MMS19: variants seen among roughly 807,000 people sequenced by gnomAD.
MMS19 encodes the protein MMS19 nucleotide excision repair protein homolog.
Under a neutral mutation model 129.8 loss-of-function variants are expected in MMS19, and 77 were observed. That is an observed-to-expected ratio of 0.59 (90% confidence interval 0.49 to 0.72). MMS19 has a LOEUF of 0.72. Among genes scored for constraint, MMS19 ranks in the 30% least tolerant of loss-of-function variants. MMS19 has a pLI of 0.00. For missense variants in MMS19, 1,168 were observed against 1,266.3 expected, an observed-to-expected ratio of 0.92 and a Z score of 1.18; for synonymous variants, 491 against 502.8, an observed-to-expected ratio of 0.98 and a Z score of 0.31.
rs2033962514 is a variant in MMS19, at chr10:97,468,344, G to C, written c.1126C>G (p.Gln376Glu). 4.3e-6 allele frequency: 7 copies of C among 1,613,004 alleles called. No homozygotes were observed. The highest frequency in any genetic ancestry group is 1.1e-5 in the South Asian group (1 of 90,938). Residue 376 changes from glutamine (Q) to glutamate (E), a missense_variant, in exon 13 of 31, where the codon CAG (glutamine) becomes GAG (glutamate). By Grantham distance (29) the Gln-to-Glu change is conservative. Transcript: ENST00000438925. Reference protein sequence around the residue: ...KLVWPSAKLLQAAAGASARAC... With the variant: ...KLVWPSAKLLEAAAGASARAC... The stretch of plus-strand genomic sequence containing the variant: ...CGGGCAGATGCACCTGCAGCTGCCT[G>C]CAACAGCTTGGCACTAGGCCACACC...
rs749687358 is a variant in MMS19, at chr10:97,458,920, A to ATG, written c.2965-21_2965-20insCA. On this transcript the variant is annotated intron_variant, in intron 29 of 30. Coordinates refer to ENST00000438925, the MANE Select transcript of MMS19 (RefSeq NM_022362.5). ...CAGCAGCTGTGGAGTCAGAGGATAT[A>ATG]ATCAACCTTGCTCATCCAAGGCAAC... The ATG allele has an allele frequency of 7.4e-6, 12 of 1,612,278 alleles. No homozygotes were observed. In the African/African-American group the frequency reaches 1.5e-4, roughly 20 times the overall value.
chr10:97,462,716 G>A, intron 19 of MMS19, 34 bp from the exon 20 acceptor site: 5 of 1,506,028 alleles, frequency 3.3e-6, no homozygotes, highest in Non-Finnish European at 4.6e-6. Context: ...ACAATCACAA[G>A]ACCATGACGG....
At chr10:97,485,954 C>T (rs954157234) in intron 1 of MMS19, among the ~76,000 whole-genome samples, 9 of 152,170 alleles carry the variant, frequency 5.9e-5, no homozygotes, top group African/African-American at 1.9e-4. Flanking sequence ...TACTATATGA[C>T]CCAACAATCC....
intron 1 of MMS19, among the ~76,000 whole-genome samples, chr10:97,486,892 T>TATATATATATATATATATATATATAA (rs1564695284): frequency 7.6e-6 from 1 of 132,196 alleles, no homozygotes; most frequent in African/African-American, 2.7e-5. Context: ...TATATATATA[T>TATATATATATATATATATATATATAA]ATAAAATTAA....
At chr10:97,468,916 G>A in intron 12 of MMS19, 50 bp downstream of exon 12, 1 of 1,548,302 alleles carries the variant, frequency 6.5e-7, no homozygotes, top group Non-Finnish European at 8.7e-7. Flanking sequence ...GGCAAGGAAT[G>A]TCGTTTCTAT....
At chr10:97,476,806 A>G in intron 7 of MMS19, 29 bp downstream of exon 7, 1 of 1,613,910 alleles carries the variant, frequency 6.2e-7, no homozygotes. Context: ...TAAAGCTCCA[A>G]TGAGCTAATC....
chr10:97,475,217 T>C lies in MMS19; in HGVS notation c.684+1466A>G, dbSNP rs1166768587. 3.9e-5 allele frequency among the ~76,000 whole-genome samples: 6 copies of C among 152,176 alleles called. No individual in the cohort carries two copies. In the East Asian group the frequency reaches 1.2e-3, roughly 29 times the overall value. On this transcript the variant is annotated intron_variant, in intron 8 of 30. Transcript: ENST00000438925. ...AAAAGCAAAGTACAGGAGAAGTGTGTGTGTGTGTGTGTGTACATGCCCGCA... is the reference window on the plus strand; with the variant it reads ...AAAAGCAAAGTACAGGAGAAGTGTGCGTGTGTGTGTGTGTACATGCCCGCA...
chr10:97,477,034 G>A, intron 6 of MMS19, 71 bp from the exon 7 acceptor site: 1 of 1,598,048 alleles, frequency 6.3e-7, no homozygotes, highest in Non-Finnish European at 8.5e-7. Flanking sequence ...CCTAGCCTGT[G>A]TTCTCCCTCT....
chr10:97,463,897 G>A lies in MMS19; in HGVS notation c.1873C>T (p.Pro625Ser). 1 of 1,612,516 alleles carries A rather than the reference G, an allele frequency of 6.2e-7. No individual in the cohort carries two copies. Among genetic ancestry groups the A allele is most frequent in the South Asian group, 1.1e-5 (1 of 90,640 alleles). Residue 625 changes from proline (P) to serine (S), a missense_variant, in exon 19 of 31, where the codon CCT (proline) becomes TCT (serine). Pro to Ser is a moderately conservative substitution (Grantham distance 74). Transcript: ENST00000438925. ...SCWYFHQTAIPCLLALAVQAS... is the reference protein window; with the variant it reads ...SCWYFHQTAISCLLALAVQAS... ...TGCACAGCCAAGGCAAGCAGGCAAG[G>A]TATAGCTGTCTGGTGGAAATACCAG... is the stretch of plus-strand genomic sequence containing the variant.
In MMS19 at chr10:97,458,881, T is replaced by C. The variant is rs1157208472; in HGVS notation, c.2984A>G (p.Gln995Arg). Residue 995 changes from glutamine to arginine, a missense_variant, in exon 30 of 31, where the codon CAG (glutamine) becomes CGG (arginine). Coordinates refer to ENST00000438925, the MANE Select transcript of MMS19 (RefSeq NM_022362.5). The part of the protein sequence containing the change: ...PTPVLLPYKP[Q>R]VIRALAKPLD... ...GGGTTTGGCTAAGGCCCGAATCACC[T>C]GTGGTTTGTACGGCAGCAGCTGTGG... The C allele has an allele frequency of 1.9e-6, 3 of 1,614,042 alleles. No homozygotes were observed. In the East Asian group the frequency reaches 6.7e-5, roughly 36 times the overall value.
intron 19 of MMS19, 113 bp from the exon 20 acceptor site, chr10:97,462,795 C>T: frequency 1.3e-6 from 1 of 785,886 alleles, no homozygotes; most frequent in Non-Finnish European, 2.1e-6. Flanking sequence ...GCCACGACAG[C>T]AGTTCTTAAT....
intron 5 of MMS19, 91 bp from the exon 6 acceptor site, chr10:97,477,507 C>T: frequency 1.3e-6 from 2 of 1,541,620 alleles, no homozygotes; most frequent in Non-Finnish European, 1.8e-6. Flanking sequence ...TCTAAGTGAA[C>T]AGTGCTCTTT....
Position 97,459,745 on chromosome 10 carries a change from TA to T in MMS19, c.2657-5del. 1 of 1,605,580 alleles carries T rather than the reference TA, an allele frequency of 6.2e-7. No homozygotes were observed. The highest frequency in any genetic ancestry group is 1.7e-5 in the Admixed American group (1 of 58,842). ...TTCAAGTAGTTTGGCTTCACATCTG[TA>T]AAAAATGGAAAGGCTTAGGGGAGAA... On this transcript the variant is annotated splice_region_variant and splice_polypyrimidine_tract_variant and intron_variant, in intron 26 of 30. Transcript: ENST00000438925.
intron 1 of MMS19, 38 bp downstream of exon 1, chr10:97,498,235 G>A: frequency 6.6e-7 from 1 of 1,519,616 alleles, no homozygotes; most frequent in Non-Finnish European, 8.8e-7. Context: ...CCTCCTGTTG[G>A]CCCCCATGCG....
chr10:97,483,735 C>A (rs2135467251), intron 2 of MMS19, among the ~76,000 whole-genome samples: 1 of 152,346 alleles, frequency 6.6e-6, no homozygotes, highest in African/African-American at 2.4e-5. Flanking sequence ...ACAGCTTGTT[C>A]TGAGTCAGGT....
chr10:97,490,675 A>G (rs943402650), intron 1 of MMS19, among the ~76,000 whole-genome samples: 1 of 152,198 alleles, frequency 6.6e-6, no homozygotes, highest in African/African-American at 2.4e-5. Context: ...CAGTTCTCCT[A>G]AAGTCTGTGG....
intron 14 of MMS19, among the ~76,000 whole-genome samples, chr10:97,467,126 G>A (rs1589615309): frequency 2.0e-5 from 3 of 152,262 alleles, no homozygotes; most frequent in East Asian, 1.9e-4. Flanking sequence ...TTACAGGCAT[G>A]TGCCAACAGG....
intron 1 of MMS19, among the ~76,000 whole-genome samples, chr10:97,494,256 C>A (rs1435471174): frequency 1.3e-5 from 2 of 152,184 alleles, no homozygotes; most frequent in African/African-American, 4.8e-5. Context: ...TCCTAACTAC[C>A]CACACTTTCC....
chr10:97,487,881 C>G (rs2038188694), intron 1 of MMS19, among the ~76,000 whole-genome samples: 1 of 152,036 alleles, frequency 6.6e-6, no homozygotes, highest in African/African-American at 2.4e-5. Flanking sequence ...CTTTGGGAGG[C>G]CAAGGCAGGT....
Sources: gnomAD v4.1 joint callset for allele counts (sites outside exome capture counted in the v4.1 genomes callset) on GRCh38, gnomAD v4.1.1 for gene constraint, MANE v1.5 for transcripts, NCBI Gene and HGNC (gene_info 2026-07-23, HGNC 2026-07-21) for gene names.